VWA8: variants seen among roughly 807,000 people sequenced by gnomAD.
VWA8 encodes von Willebrand factor A domain containing 8, also known as von Willebrand factor A domain-containing protein 8.
VWA8 carries 221 observed loss-of-function variants against 241.5 expected under a neutral mutation model. The ratio of observed to expected loss-of-function variants is 0.91; its 90% CI spans 0.82 to 1.02. The LOEUF (loss-of-function observed/expected upper bound fraction) is 1.02. Among genes scored for constraint, VWA8 ranks in the 50% least tolerant of loss-of-function variants. The probability of loss-of-function intolerance (pLI) is 0.00; values close to 1 mark genes in which losing one functional copy is unlikely to be tolerated. For synonymous variants in VWA8, 852 were observed against 827.1 expected (o/e 1.03, Z -0.52); for missense variants, 2,322 against 2,328.7 (o/e 1.00, Z 0.06).
chr13:41,957,607 A>G (rs1451761510), intron 1 of VWA8, among the ~76,000 whole-genome samples: 1 of 152,116 alleles, frequency 6.6e-6, no homozygotes, highest in East Asian at 1.9e-4. Context: ...CTCCATCTCA[A>G]AAATAAATAA....
chr13:41,887,326 A>T lies in VWA8; in HGVS notation c.687T>A (p.Ile229=). ...HTKKELDSWK[I]VRVSENFRVI... Reference sequence around the variant, plus strand: ...CTCGGAAATTTTCACTAACTCGGACAATTTTCCAAGAATCCAACTCTTTTT... The same window carrying T: ...CTCGGAAATTTTCACTAACTCGGACTATTTTCCAAGAATCCAACTCTTTTT... Residue 229 remains isoleucine, a synonymous_variant, in exon 6 of 45, where the codon ATT becomes ATA. Transcript: ENST00000379310. 6.2e-7 allele frequency: 1 copy of T among 1,613,082 alleles called. No individual in the cohort carries two copies.
intron 40 of VWA8, among the ~76,000 whole-genome samples, chr13:41,601,685 G>A (rs930250233): frequency 1.3e-5 from 2 of 152,068 alleles, no homozygotes; most frequent in Admixed American, 6.6e-5. Flanking sequence ...TCATGCAATC[G>A]ATTCACAAAA....
At chr13:41,901,893 T>A (rs200988232) in intron 4 of VWA8, among the ~76,000 whole-genome samples, 9,407 of 76,180 alleles carry the variant, frequency 0.12, 883 homozygotes, top group Non-Finnish European at 0.17. Context: ...AAAAAAAATA[T>A]ATATATATAT....
intron 20 of VWA8, among the ~76,000 whole-genome samples, chr13:41,771,916 G>A (rs1317695998): frequency 7.5e-6 from 1 of 133,390 alleles, no homozygotes; most frequent in East Asian, 2.2e-4. Context: ...TTGAGATGGA[G>A]TTTCACTTTC....
In VWA8 at chr13:41,839,913, CA is replaced by C. The variant is rs1464896855; in HGVS notation, c.1426-6383del. 3.9e-5 allele frequency among the ~76,000 whole-genome samples: 6 copies of C among 152,152 alleles called. 1 individual carries two copies. Among genetic ancestry groups the C allele is most frequent in the Admixed American group, 2.6e-4 (4 of 15,272 alleles). Reference sequence around the variant, plus strand: ...TTTTTTCTAATTCTGTGAAGAAAGACAATGGTAGCTTGATGGGGATAGCATT... The same window carrying C: ...TTTTTTCTAATTCTGTGAAGAAAGACATGGTAGCTTGATGGGGATAGCATT... On this transcript the variant is annotated intron_variant, in intron 12 of 44. Coordinates refer to ENST00000379310, the MANE Select transcript of VWA8 (RefSeq NM_015058.2).
chr13:41,859,370 T>C (rs1872905972), intron 12 of VWA8, among the ~76,000 whole-genome samples: 3 of 152,174 alleles, frequency 2.0e-5, no homozygotes, highest in African/African-American at 7.2e-5. Context: ...AGTTTAGCTA[T>C]AGAAAGAAAA....
At chr13:41,658,741 C>T (rs1483494965) in intron 37 of VWA8, among the ~76,000 whole-genome samples, 3 of 152,228 alleles carry the variant, frequency 2.0e-5, no homozygotes, top group African/African-American at 7.2e-5. Context: ...GTCCACCCTT[C>T]TAAACACAGC....
At chr13:41,726,304 A>G (rs2045433090) in intron 24 of VWA8, among the ~76,000 whole-genome samples, 1 of 152,184 alleles carries the variant, frequency 6.6e-6, no homozygotes, top group East Asian at 1.9e-4. Flanking sequence ...GTACTTAAAC[A>G]TTGTATAGGT....
Position 41,685,125 on chromosome 13 carries a change from C to A in VWA8, c.4249G>T (p.Val1417Leu). The A allele has an allele frequency of 6.2e-7, 1 of 1,613,624 alleles. No individual in the cohort carries two copies. Among genetic ancestry groups the A allele is most frequent in the East Asian group, 2.2e-5 (1 of 44,864 alleles). The change falls in exon 35 of 45, where the codon GTG becomes TTG. Residue 1417 changes from valine to leucine, a missense_variant. Coordinates refer to ENST00000379310, the MANE Select transcript of VWA8 (RefSeq NM_015058.2). ...ACCTGATTCGTATCTAAAAGAGTCA[C>A]ACAATTGCTTTGTTTTGGAGTCCCC... ...KRGTPKQSNC[V>L]TLLDTNQVVR...
intron 19 of VWA8, among the ~76,000 whole-genome samples, chr13:41,780,910 A>G (rs941967570): frequency 1.3e-5 from 2 of 152,162 alleles, no homozygotes; most frequent in African/African-American, 4.8e-5. Flanking sequence ...CTCCCTGAGA[A>G]AGAATCTCTG....
intron 4 of VWA8, among the ~76,000 whole-genome samples, chr13:41,897,477 A>G (rs1272112848): frequency 7.1e-6 from 1 of 140,588 alleles, no homozygotes; most frequent in African/African-American, 2.4e-5. Context: ...TACAGCCATT[A>G]TAAAAAACAA....
chr13:41,569,645 AT>A lies in VWA8; in HGVS notation c.5609+822del, dbSNP rs769186344. 6.9e-3 allele frequency among the ~76,000 whole-genome samples: 971 copies of A among 139,912 alleles called. 1 individual carries two copies. Among genetic ancestry groups the A allele is most frequent in the East Asian group, 0.017 (83 of 4,764 alleles). 91.8% of individuals were successfully genotyped at this position (139,912 alleles called of 152,430 possible). A position where few individuals can be genotyped will look rare whatever the true frequency, so the allele number is the denominator to read the frequency against. On this transcript the variant is annotated intron_variant, in intron 44 of 44. Coordinates refer to ENST00000379310, the MANE Select transcript of VWA8 (RefSeq NM_015058.2). ...TAGGCCCTTTGTGCTTTAGGCAGGG[AT>A]TTTTTTTTTTTTTTTTAAGATTACT...
At chr13:41,719,786 T>C (rs1325908959) in intron 25 of VWA8, 44 bp from the exon 26 acceptor site, 2 of 1,528,838 alleles carry the variant, frequency 1.3e-6, no homozygotes, top group East Asian at 2.3e-5. Flanking sequence ...TGATAAAATA[T>C]ACAACATTAT....
intron 29 of VWA8, among the ~76,000 whole-genome samples, chr13:41,697,822 C>T (rs1019615265): frequency 6.6e-6 from 1 of 152,126 alleles, no homozygotes; most frequent in African/African-American, 2.4e-5. Context: ...CAACCTGCTT[C>T]TCACCACCCC....
intron 12 of VWA8, among the ~76,000 whole-genome samples, chr13:41,834,999 C>T (rs144708543): frequency 0.012 from 1,882 of 152,218 alleles, 13 homozygotes; most frequent in East Asian, 0.021. Context: ...CCAAATACCA[C>T]GTGTTCTCAC....
chr13:41,598,902 G>C (rs906911697), intron 40 of VWA8, among the ~76,000 whole-genome samples: 6 of 150,574 alleles, frequency 4.0e-5, no homozygotes, highest in African/African-American at 1.5e-4. Context: ...TGTTAATTTT[G>C]CATGGTACTT....
intron 23 of VWA8, among the ~76,000 whole-genome samples, chr13:41,728,814 C>T (rs2045458097): frequency 6.6e-6 from 1 of 152,040 alleles, no homozygotes; most frequent in South Asian, 2.1e-4. Context: ...GTTCTCCTTA[C>T]ATACTCTCTT....
intron 2 of VWA8, among the ~76,000 whole-genome samples, chr13:41,949,575 G>A (rs1878026983): frequency 6.6e-6 from 1 of 151,578 alleles, no homozygotes; most frequent in Non-Finnish European, 1.5e-5. Flanking sequence ...GTATACCTAT[G>A]TAACAAACCT....
At chr13:41,841,307 A>T (rs1871986986) in intron 12 of VWA8, among the ~76,000 whole-genome samples, 5 of 152,156 alleles carry the variant, frequency 3.3e-5, no homozygotes, top group South Asian at 2.1e-4. Context: ...CTTCTTTGAG[A>T]AGAGTTAAAA....
Sources: allele counts gnomAD v4.1 joint callset (sites outside exome capture counted in the v4.1 genomes callset), GRCh38; gene constraint gnomAD v4.1.1; transcripts MANE v1.5; gene names NCBI Gene and HGNC (gene_info 2026-07-23, HGNC 2026-07-21).